The following HDX variants were observed in gnomAD, a reference collection of about 807,000 sequenced individuals.
HDX encodes highly divergent homeobox, also known as chromosome X open reading frame 43.
A neutral mutation model predicts 45.2 loss-of-function variants in HDX; 19 were observed. The observed-to-expected ratio is 0.42, with a 90% CI of 0.29 to 0.62. The LOEUF is 0.62. HDX is among the 20% of genes least tolerant of loss of function. The probability of loss-of-function intolerance (pLI) is 0.20; values close to 1 mark genes in which losing one functional copy is unlikely to be tolerated. For missense variants in HDX, 532 were observed against 493.9 expected, an observed-to-expected ratio of 1.08 and a Z score of -0.73; for synonymous variants, 188 against 172.8, an observed-to-expected ratio of 1.09 and a Z score of -0.69.
chrX:84,448,922 G>T (rs2039935864), intron 4 of HDX, among the ~76,000 whole-genome samples: 1 of 109,468 alleles, frequency 9.1e-6, no homozygotes, highest in Admixed American at 9.8e-5. Context: ...GGATATGAAA[G>T]AGAAATGTAC....
chrX:84,401,798 A>T (rs1474654082), intron 5 of HDX, among the ~76,000 whole-genome samples: 1 of 112,396 alleles, frequency 8.9e-6, no homozygotes, highest in Non-Finnish European at 1.9e-5. Flanking sequence ...AAAGACATGG[A>T]ACCAACCCAA....
At chrX:84,406,941 A>G (rs2038844379) in intron 5 of HDX, among the ~76,000 whole-genome samples, 1 of 111,336 alleles carries the variant, frequency 9.0e-6, no homozygotes, top group African/African-American at 3.3e-5. Context: ...GGTGAAAAAA[A>G]AACACTTTAT....
intron 4 of HDX, among the ~76,000 whole-genome samples, chrX:84,452,524 C>A (rs2040022447): frequency 9.5e-6 from 1 of 104,748 alleles, no homozygotes; most frequent in African/African-American, 3.5e-5. Flanking sequence ...AGAAGGATCT[C>A]TTAAGCTCAT....
intron 4 of HDX, among the ~76,000 whole-genome samples, chrX:84,461,512 TA>T (rs763685063): frequency 0.026 from 2,774 of 105,250 alleles, 85 homozygotes; most frequent in African/African-American, 0.088. Context: ...ACTATATAAT[TA>T]AAAAAAAAAG....
At chrX:84,500,575 A>G (rs1326394000) in intron 1 of HDX, among the ~76,000 whole-genome samples, 1 of 111,071 alleles carries the variant, frequency 9.0e-6, no homozygotes, top group Non-Finnish European at 1.9e-5. Context: ...AAGTGAGGTC[A>G]GTAACACTTG....
At chrX:84,324,775 C>T (rs775516751) in intron 10 of HDX, among the ~76,000 whole-genome samples, 10 of 110,747 alleles carry the variant, frequency 9.0e-5, no homozygotes, top group African/African-American at 2.6e-4. Context: ...GGCCATATAA[C>T]TCTCAATTCA....
chrX:84,383,464 A>G (rs2038235843), intron 5 of HDX, among the ~76,000 whole-genome samples: 1 of 111,676 alleles, frequency 9.0e-6, no homozygotes, highest in Admixed American at 9.5e-5. Context: ...TTGTCATTTT[A>G]TATTAATGCG....
intron 4 of HDX, among the ~76,000 whole-genome samples, chrX:84,456,070 A>G (rs1423886525): frequency 8.9e-6 from 1 of 112,065 alleles, no homozygotes; most frequent in Non-Finnish European, 1.9e-5. Flanking sequence ...AAGAAACGCT[A>G]AAGGGAGTTC....
chrX:84,458,849 T>C (rs1354092262), intron 4 of HDX, among the ~76,000 whole-genome samples: 4 of 111,648 alleles, frequency 3.6e-5, no homozygotes, highest in African/African-American at 1.3e-4. Context: ...AGATTCCCTA[T>C]TGGTGTCATA....
At chrX:84,328,249 A>G (rs1049370621) in intron 9 of HDX, among the ~76,000 whole-genome samples, 2 of 110,745 alleles carry the variant, frequency 1.8e-5, no homozygotes, top group Non-Finnish European at 3.8e-5. Context: ...GCATGCAGCT[A>G]TAGTCCCAGC....
chrX:84,473,107 A>T (rs2040482428), intron 3 of HDX, among the ~76,000 whole-genome samples: 2 of 108,769 alleles, frequency 1.8e-5, no homozygotes, highest in East Asian at 5.9e-4. Flanking sequence ...TTAGAAATTC[A>T]CTGTCTCTAA....
In HDX at chrX:84,442,529, T is replaced by C. The variant is rs1188869945; in HGVS notation, c.1252-1944A>G. ...GTAAAATAGCAATTAACTGGAATGC[T>C]AGGGGTTAATGAGAAGGTGTGAATA... On this transcript the variant is annotated intron_variant, in intron 4 of 10. Coordinates refer to ENST00000373177, the MANE Select transcript of HDX (RefSeq NM_001177479.2). Among the ~76,000 whole-genome samples, 4 of 111,340 alleles carry C rather than the reference T, an allele frequency of 3.6e-5. No individual in the cohort carries two copies. The East Asian group carries it at 1.1e-3, about 31-fold the overall frequency.
Position 84,349,840 on chromosome X carries a change from C to T in HDX, c.1453-5383G>A, listed in dbSNP as rs138997187. Reference sequence around the variant, plus strand: ...GAAAGTCAAATAACACATGATATCACTTGTAAGTGGGTGCTAAACAGTGGG... The same window carrying T: ...GAAAGTCAAATAACACATGATATCATTTGTAAGTGGGTGCTAAACAGTGGG... On this transcript the variant is annotated intron_variant, in intron 6 of 10. Transcript: ENST00000373177. 4.6e-3 allele frequency among the ~76,000 whole-genome samples: 504 copies of T among 109,282 alleles called. 1 individual carries two copies. Among genetic ancestry groups the T allele is most frequent in the Admixed American group, 0.012 (117 of 10,132 alleles). The allele number at this position is 109,282 out of a possible 115,157, so 94.9% of individuals were successfully genotyped here.
At chrX:84,333,623 A>G (rs2036892038) in intron 9 of HDX, 136 bp downstream of exon 9, 1 of 375,948 alleles carries the variant, frequency 2.7e-6, no homozygotes, top group Non-Finnish European at 4.7e-6. Context: ...ACTCTGACTG[A>G]TATTCAAGTA....
At chrX:84,426,206 A>G (rs1317132914) in intron 5 of HDX, among the ~76,000 whole-genome samples, 1 of 111,308 alleles carries the variant, frequency 9.0e-6, no homozygotes, top group Non-Finnish European at 1.9e-5. Context: ...CTCGTACACT[A>G]GGAGTGAGAA....
At chrX:84,402,644 ATTTG>A (rs2038733169) in intron 5 of HDX, among the ~76,000 whole-genome samples, 1 of 111,209 alleles carries the variant, frequency 9.0e-6, no homozygotes, top group Non-Finnish European at 1.9e-5. Context: ...TGCTATAATC[ATTTG>A]TTTGTAGGAT....
At chrX:84,353,167 G>A (rs1026332292) in intron 6 of HDX, among the ~76,000 whole-genome samples, 4 of 111,682 alleles carry the variant, frequency 3.6e-5, no homozygotes, top group Non-Finnish European at 7.5e-5. Flanking sequence ...AAAACTAGAA[G>A]GCACTAGAAA....
In HDX at chrX:84,320,466, C is replaced by T. The variant is rs55837240; in HGVS notation, c.*1423G>A. 9,495 of 110,240 alleles carry T rather than the reference C, an allele frequency of 0.086. 402 individuals are homozygous for T. Among genetic ancestry groups the T allele is most frequent in the East Asian group, 0.26 (886 of 3,451 alleles). 9.1% of individuals were successfully genotyped at this position (110,240 alleles called of 1,213,427 possible). On this transcript the variant is annotated 3_prime_UTR_variant, in exon 11 of 11. Transcript: ENST00000373177. ...GCCTTTCTGTGTTCATAAGTTAGTA[C>T]TAGTAAATTTCAAGATCAAATTTGG...
At chrX:84,483,083 C>T (rs779083239) in intron 2 of HDX, among the ~76,000 whole-genome samples, 1 of 111,742 alleles carries the variant, frequency 8.9e-6, no homozygotes, top group Admixed American at 9.4e-5. Context: ...TGGGCAGCTC[C>T]AACTTTGTGG....
Sources: allele counts gnomAD v4.1 joint callset (sites outside exome capture counted in the v4.1 genomes callset), GRCh38; gene constraint gnomAD v4.1.1; transcripts MANE v1.5; gene names NCBI Gene and HGNC (gene_info 2026-07-23, HGNC 2026-07-21).